The following CILK1 variants were observed in gnomAD, a reference collection of about 807,000 sequenced individuals.
The protein encoded by CILK1 is serine/threonine-protein kinase ICK.
In CILK1, 47 loss-of-function variants were observed where a neutral mutation model predicts 79.2. That is an observed-to-expected ratio of 0.59 (90% CI 0.47 to 0.76). CILK1 has a LOEUF of 0.76. CILK1 is among the 30% of genes least tolerant of loss of function. The pLI is 0.00. For synonymous variants in CILK1, 266 were observed against 275.9 expected, an observed-to-expected ratio of 0.96 and a Z score of 0.36; for missense variants, 660 against 769.5, an observed-to-expected ratio of 0.86 and a Z score of 1.68.
chr6:53,019,136 G>C, intron 6 of CILK1, 91 bp downstream of exon 6: 1 of 1,256,132 alleles, frequency 8.0e-7, no homozygotes, highest in Admixed American at 1.8e-5. Context: ...TTAGTGAAAA[G>C]TTAACATTTG....
chr6:53,028,980 C>T (rs1304529358), intron 5 of CILK1, among the ~76,000 whole-genome samples: 1 of 151,876 alleles, frequency 6.6e-6, no homozygotes, highest in African/African-American at 2.4e-5. Flanking sequence ...TATATGCATA[C>T]ATTTGATTAG....
intron 1 of CILK1, among the ~76,000 whole-genome samples, chr6:53,049,869 C>T (rs1767354760): frequency 6.6e-6 from 1 of 152,014 alleles, no homozygotes; most frequent in Admixed American, 6.6e-5. Flanking sequence ...TATAGGCATG[C>T]ACCACCAGGC....
intron 1 of CILK1, among the ~76,000 whole-genome samples, chr6:53,057,463 C>T (rs927474666): frequency 6.6e-6 from 1 of 152,140 alleles, no homozygotes; most frequent in Non-Finnish European, 1.5e-5. Flanking sequence ...GGATGACAAT[C>T]ATCTGCTAGG....
intron 2 of CILK1, among the ~76,000 whole-genome samples, chr6:53,038,410 A>C (rs1766495467): frequency 6.6e-6 from 1 of 152,202 alleles, no homozygotes; most frequent in African/African-American, 2.4e-5. Flanking sequence ...TGGCTAGCAC[A>C]ATGTGGGAAC....
intron 3 of CILK1, 116 bp downstream of exon 3, chr6:53,037,823 C>T: frequency 1.5e-6 from 1 of 674,518 alleles, no homozygotes; most frequent in Non-Finnish European, 2.6e-6. Context: ...CATTTGCCTC[C>T]CTTTCCAGCA....
intron 1 of CILK1, among the ~76,000 whole-genome samples, chr6:53,058,900 G>A (rs1046650550): frequency 6.6e-6 from 1 of 152,106 alleles, no homozygotes; most frequent in South Asian, 2.1e-4. Flanking sequence ...AAATGGAGGA[G>A]ACTGCTGCAA....
intron 1 of CILK1, among the ~76,000 whole-genome samples, chr6:53,050,406 G>A (rs988471300): frequency 7.3e-5 from 11 of 151,640 alleles, no homozygotes; most frequent in East Asian, 3.9e-4. Context: ...CTATGGTTGT[G>A]AGGTTTACTT....
At chr6:53,057,231 T>A (rs185928088) in intron 1 of CILK1, among the ~76,000 whole-genome samples, 1 of 152,126 alleles carries the variant, frequency 6.6e-6, no homozygotes, top group African/African-American at 2.4e-5. Flanking sequence ...AAAAGAGCAG[T>A]CACATGTTAT....
rs145842629 is a variant in CILK1 at position 53,006,357 on chromosome 6, T to C, written c.1702A>G (p.Met568Val). The change falls in exon 13 of 14, where the codon ATG becomes GTG. Residue 568 changes from methionine (M) to valine (V), a missense_variant. Coordinates refer to ENST00000676107, the MANE Select transcript of CILK1 (RefSeq NM_014920.5). The stretch of plus-strand genomic sequence containing the variant: ...ATAGGTGCTAGGTGTACCCTCTGCA[T>C]AGCAGAACCGATTTCTTTTTTCAGA... The part of the protein sequence containing the change: ...SFLKKEIGSA[M>V]QRVHLAPIPD... 199 of 1,613,664 alleles carry C rather than the reference T, an allele frequency of 1.2e-4. No homozygotes were observed. The African/African-American group carries it at 1.6e-3, about 13-fold the overall frequency.
At chr6:53,033,598 G>C (rs1330572341) in intron 3 of CILK1, among the ~76,000 whole-genome samples, 1 of 152,156 alleles carries the variant, frequency 6.6e-6, no homozygotes, top group African/African-American at 2.4e-5. Context: ...TGGCCAGTGA[G>C]ATGAATCCTT....
intron 1 of CILK1, among the ~76,000 whole-genome samples, chr6:53,045,193 G>A (rs1370393398): frequency 6.6e-6 from 1 of 152,070 alleles, no homozygotes; most frequent in Non-Finnish European, 1.5e-5. Flanking sequence ...CATATACCAT[G>A]GTTCCTCCAC....
Position 53,005,283 on chromosome 6 carries a change from T to C in CILK1, c.1765A>G (p.Met589Val). The change falls in exon 14 of 14, where the codon ATG becomes GTG. Residue 589 changes from methionine to valine, a missense_variant. Met to Val is a conservative substitution (Grantham distance 21). Transcript: ENST00000676107. ...PSPGYSSLKA[M>V]RPHPGRPFFH... The stretch of plus-strand genomic sequence containing the variant: ...AATGGTCGCCCAGGATGAGGTCTCA[T>C]GGCCTTCAGGGAGGAATAACCTGCA... The C allele has an allele frequency of 6.2e-7, 1 of 1,614,192 alleles. No individual in the cohort carries two copies. Among genetic ancestry groups the C allele is most frequent in the Non-Finnish European group, 8.5e-7 (1 of 1,180,032 alleles).
chr6:53,035,403 A>C (rs1766263101), intron 3 of CILK1, among the ~76,000 whole-genome samples: 1 of 152,200 alleles, frequency 6.6e-6, no homozygotes, highest in Non-Finnish European at 1.5e-5. Context: ...GATGGTTAAA[A>C]AAAACCAAAA....
rs1373763739 is a variant in CILK1, at chr6:53,001,363, G to A, written c.*3786C>T. ...ATTTTTCCTTACATAAGGTTGACAT[G>A]TTTTAAACACCTTAGGACAAACTAT... On this transcript the variant is annotated 3_prime_UTR_variant, in exon 14 of 14. Coordinates refer to ENST00000676107, the MANE Select transcript of CILK1 (RefSeq NM_014920.5). 1 of 152,186 alleles carries A rather than the reference G, an allele frequency of 6.6e-6. No homozygotes were observed. Among genetic ancestry groups the A allele is most frequent in the Non-Finnish European group, 1.5e-5 (1 of 68,032 alleles). The allele number at this position is 152,186 out of a possible 1,614,324, so 9.4% of individuals were successfully genotyped here. A position where few individuals can be genotyped will look rare whatever the true frequency, so the allele number is the denominator to read the frequency against.
At chr6:53,021,618 A>G (rs1284692295) in intron 5 of CILK1, among the ~76,000 whole-genome samples, 1 of 152,196 alleles carries the variant, frequency 6.6e-6, no homozygotes, top group African/African-American at 2.4e-5. Context: ...AATCAGGTGC[A>G]ACTCCTCATT....
intron 2 of CILK1, 42 bp downstream of exon 2, chr6:53,041,094 G>T: frequency 7.7e-7 from 1 of 1,298,578 alleles, no homozygotes; most frequent in Non-Finnish European, 1.1e-6. Flanking sequence ...TAATGGTGAG[G>T]GTAGAGTTAA....
intron 2 of CILK1, among the ~76,000 whole-genome samples, chr6:53,040,831 T>TA (rs1469689219): frequency 6.6e-6 from 1 of 152,224 alleles, no homozygotes; most frequent in Non-Finnish European, 1.5e-5. Context: ...TCTTATTTCT[T>TA]AGAGTTTCAG....
At chr6:53,041,840 AGCT>A (rs1766732497) in intron 1 of CILK1, among the ~76,000 whole-genome samples, 1 of 152,046 alleles carries the variant, frequency 6.6e-6, no homozygotes. Context: ...CTGGGCCCTA[AGCT>A]GCTGGGATAG....
Position 53,036,812 on chromosome 6 carries a change from A to G in CILK1, c.156+1127T>C, listed in dbSNP as rs550642491. ...TTGAACTCCAATTAAGTTAAATATT[A>G]TGTCCCCTCAAAAAGAATATCATTC... On this transcript the variant is annotated intron_variant, in intron 3 of 13. Coordinates refer to ENST00000676107, the MANE Select transcript of CILK1 (RefSeq NM_014920.5). Among the ~76,000 whole-genome samples, 21 of 152,354 alleles carry G rather than the reference A, an allele frequency of 1.4e-4. No homozygotes were observed. In the South Asian group the frequency reaches 3.9e-3, roughly 29 times the overall value.
Sources: gnomAD v4.1 joint callset for allele counts (sites outside exome capture counted in the v4.1 genomes callset) on GRCh38, gnomAD v4.1.1 for gene constraint, MANE v1.5 for transcripts, NCBI Gene and HGNC (gene_info 2026-07-23, HGNC 2026-07-21) for gene names.